AK5: variants seen among roughly 807,000 people sequenced by gnomAD.
AK5 encodes the protein adenylate kinase 5.
A neutral mutation model predicts 69.5 loss-of-function variants in AK5; 27 were observed. The observed-to-expected ratio is 0.39, with a 90% CI of 0.29 to 0.54. The LOEUF (loss-of-function observed/expected upper bound fraction) is 0.54. AK5 is among the 20% of genes least tolerant of loss of function. The probability of loss-of-function intolerance (pLI) is 0.71; values close to 1 mark genes in which losing one functional copy is unlikely to be tolerated. For synonymous variants in AK5, 260 were observed against 244.4 expected, an observed-to-expected ratio of 1.06 and a Z score of -0.60; for missense variants, 531 against 700.4, an observed-to-expected ratio of 0.76 and a Z score of 2.73.
chr1:77,466,444 A>G (rs1013597164), intron 8 of AK5, among the ~76,000 whole-genome samples: 13 of 152,170 alleles, frequency 8.5e-5, no homozygotes, highest in Admixed American at 2.0e-4. Context: ...ATGTTTGTTA[A>G]TCTGCCATTG....
intron 10 of AK5, among the ~76,000 whole-genome samples, chr1:77,503,923 G>T (rs1265141574): frequency 1.3e-5 from 2 of 151,886 alleles, no homozygotes; most frequent in East Asian, 3.9e-4. Flanking sequence ...AAAAAAATGG[G>T]GTTGAAAAAA....
intron 3 of AK5, among the ~76,000 whole-genome samples, chr1:77,294,352 G>C (rs1658867009): frequency 6.6e-6 from 1 of 152,120 alleles, no homozygotes; most frequent in Admixed American, 6.6e-5. Context: ...GCTGAGCCAG[G>C]AGGATCCCTT....
rs1570320667 is a variant in AK5, at chr1:77,531,953, T to C, written c.1429-3894T>C. On this transcript the variant is annotated intron_variant, in intron 12 of 13. Coordinates refer to ENST00000354567, the MANE Select transcript of AK5 (RefSeq NM_174858.3). ...GCGAGAAATCGAGCACAGCAGCTGC[T>C]GGCCCAGGTGCTAAGCCCCTCACTG... Among the ~76,000 whole-genome samples, 4 of 148,642 alleles carry C rather than the reference T, an allele frequency of 2.7e-5. No homozygotes were observed. In the South Asian group the frequency reaches 9.0e-4, roughly 34 times the overall value.
rs1646977811 is a variant in AK5, at chr1:77,367,561, A to ATATATATATATT, written c.891+27004_891+27005insTTATATATATAT. 1.3e-4 allele frequency among the ~76,000 whole-genome samples: 2 copies of ATATATATATATT among 15,404 alleles called. 1 individual carries two copies. The highest frequency in any genetic ancestry group is 3.5e-4 in the African/African-American group (2 of 5,720). The allele number at this position is 15,404 out of a possible 152,430, so 10.1% of individuals were successfully genotyped here. Reference sequence around the variant, plus strand: ...CCAGACTCATTTATGTTATTTTTATATATATATATATATATATAATATATA... The same window carrying ATATATATATATT: ...CCAGACTCATTTATGTTATTTTTATATATATATATATTTATATATATATATATATAATATATA... On this transcript the variant is annotated intron_variant, in intron 6 of 13. Transcript: ENST00000354567.
chr1:77,387,053 A>G (rs1262025908), intron 6 of AK5, among the ~76,000 whole-genome samples: 2 of 152,268 alleles, frequency 1.3e-5, no homozygotes, highest in Non-Finnish European at 2.9e-5. Context: ...ATAGAATTCC[A>G]TTGTGTAAAT....
rs1557532968 is a variant in AK5, at chr1:77,367,610, A to ATATATGTGTT, written c.891+27042_891+27043insTATATGTGTT. Among the ~76,000 whole-genome samples, 3 of 55,432 alleles carry ATATATGTGTT rather than the reference A, an allele frequency of 5.4e-5. 1 individual carries two copies. Among genetic ancestry groups the ATATATGTGTT allele is most frequent in the East Asian group, 7.8e-4 (2 of 2,558 alleles). The allele number at this position is 55,432 out of a possible 152,430, so 36.4% of individuals were successfully genotyped here. ...TATGTTATATATGTAATATATATGT[A>ATATATGTGTT]ATATATATGTTATATATGTAATATA... On this transcript the variant is annotated intron_variant, in intron 6 of 13. Coordinates refer to ENST00000354567, the MANE Select transcript of AK5 (RefSeq NM_174858.3).
chr1:77,391,489 GTGTGTGTATATATATATATATATATA>G (rs1648465037), intron 6 of AK5, among the ~76,000 whole-genome samples: 1 of 18,782 alleles, frequency 5.3e-5, no homozygotes, highest in African/African-American at 3.5e-4. Flanking sequence ...GTGTATGTGT[GTGTGTGTATATATATATATATATATA>G]TATATATATA....
intron 6 of AK5, among the ~76,000 whole-genome samples, chr1:77,368,253 A>ATATATGTT (rs1553140304): frequency 2.6e-5 from 1 of 38,666 alleles, no homozygotes; most frequent in Non-Finnish European, 7.0e-5. Flanking sequence ...ATATATATAT[A>ATATATGTT]ATATATATGT....
At chr1:77,326,748 A>C (rs1557498195) in intron 5 of AK5, among the ~76,000 whole-genome samples, 1 of 152,240 alleles carries the variant, frequency 6.6e-6, no homozygotes, top group Non-Finnish European at 1.5e-5. Flanking sequence ...GTGTGAAAGT[A>C]TAAAATCCAG....
intron 10 of AK5, among the ~76,000 whole-genome samples, chr1:77,512,948 A>T (rs1657434615): frequency 6.6e-6 from 1 of 152,040 alleles, no homozygotes; most frequent in Non-Finnish European, 1.5e-5. Flanking sequence ...GAGGAGGGAG[A>T]CCCTAAAGTG....
chr1:77,329,194 GAAA>G (rs11324649), intron 5 of AK5, among the ~76,000 whole-genome samples: 14 of 112,820 alleles, frequency 1.2e-4, no homozygotes, highest in East Asian at 2.5e-4. Flanking sequence ...CTCCCTCAGT[GAAA>G]AAAAAAAAAA....
intron 5 of AK5, chr1:77,314,186 G>A (rs41292262): frequency 2.1e-5 from 6 of 287,710 alleles, no homozygotes; most frequent in Non-Finnish European, 3.3e-5. Flanking sequence ...TGGAGGCTAC[G>A]TTTTCAAGGA....
chr1:77,544,337 C>T (rs1373940339), intron 13 of AK5, among the ~76,000 whole-genome samples: 1 of 152,132 alleles, frequency 6.6e-6, no homozygotes, highest in Non-Finnish European at 1.5e-5. Context: ...TTAGGCTATG[C>T]TACATTTGTA....
chr1:77,505,477 C>T (rs139982378), intron 10 of AK5, among the ~76,000 whole-genome samples: 399 of 152,202 alleles, frequency 2.6e-3, no homozygotes, highest in African/African-American at 9.0e-3. Context: ...CTATGGGGAG[C>T]GAAACTATTT....
chr1:77,522,568 C>T (rs548623438), intron 12 of AK5, among the ~76,000 whole-genome samples: 120 of 152,280 alleles, frequency 7.9e-4, no homozygotes, highest in African/African-American at 2.8e-3. Context: ...ATCAGAACTA[C>T]ACACCACCCT....
In AK5 at chr1:77,282,432, G is replaced by A. The variant is rs373009819; in HGVS notation, c.60+59G>A. On this transcript the variant is annotated intron_variant, in intron 1 of 13. Coordinates refer to ENST00000354567, the MANE Select transcript of AK5 (RefSeq NM_174858.3). The stretch of plus-strand genomic sequence containing the variant: ...CCGGGGACTGCATCTCAGGGGTTCG[G>A]GTTGAGGCAGCCGCGCCCCGTCCCA... The A allele has an allele frequency of 5.9e-4, 896 of 1,514,516 alleles. 1 individual carries two copies. Among genetic ancestry groups the A allele is most frequent in the Non-Finnish European group, 7.3e-4 (825 of 1,127,778 alleles). 93.8% of individuals were successfully genotyped at this position (1,514,516 alleles called of 1,614,324 possible).
At chr1:77,518,062 T>C (rs891915915) in intron 10 of AK5, among the ~76,000 whole-genome samples, 7 of 152,256 alleles carry the variant, frequency 4.6e-5, no homozygotes, top group African/African-American at 1.4e-4. Context: ...CTTCTGTAAG[T>C]TGGTGATTGC....
intron 7 of AK5, among the ~76,000 whole-genome samples, chr1:77,412,598 T>C (rs1650118113): frequency 6.6e-6 from 1 of 152,140 alleles, no homozygotes; most frequent in Non-Finnish European, 1.5e-5. Flanking sequence ...CAGGAAACTG[T>C]CGCTGTTAAG....
chr1:77,319,948 A>G (rs1488376197), intron 5 of AK5, among the ~76,000 whole-genome samples: 4 of 152,226 alleles, frequency 2.6e-5, no homozygotes, highest in South Asian at 4.1e-4. Flanking sequence ...TGTTTATTCT[A>G]CAGAAGGTGT....
Sources: gnomAD v4.1 joint callset for allele counts (sites outside exome capture counted in the v4.1 genomes callset) on GRCh38, gnomAD v4.1.1 for gene constraint, MANE v1.5 for transcripts, NCBI Gene and HGNC (gene_info 2026-07-23, HGNC 2026-07-21) for gene names.